DCHS2: variants seen among roughly 807,000 people sequenced by gnomAD.
DCHS2 encodes the protein dachsous cadherin-related 2, also known as protocadherin-23.
A neutral mutation model predicts 182.4 loss-of-function variants in DCHS2; 142 were observed. The ratio of observed to expected loss-of-function variants is 0.78; its 90% CI spans 0.68 to 0.89. The LOEUF (loss-of-function observed/expected upper bound fraction) is 0.89. Among genes scored for constraint, DCHS2 ranks in the 40% least tolerant of loss-of-function variants. The pLI is 0.00. For synonymous variants in DCHS2, 1,740 were observed against 1,663.3 expected, an observed-to-expected ratio of 1.05 and a Z score of -1.12; for missense variants, 4,319 against 4,198.6, an observed-to-expected ratio of 1.03 and a Z score of -0.79.
At position 154,235,423 on chromosome 4, in the gene DCHS2, T is replaced by C; in HGVS notation, c.9229A>G (p.Ile3077Val). The change falls in exon 20 of 20, where the codon ATC becomes GTC. Residue 3077 changes from isoleucine to valine, a missense_variant. Ile to Val is a conservative substitution (Grantham distance 29). Coordinates refer to ENST00000357232, the MANE Select transcript of DCHS2 (RefSeq NM_001358235.2). Reference sequence around the variant, plus strand: ...AGATTGACAATATCCTTCTCCATGATACTTATTAAACTCAACCATTCCGGA... The same window carrying C: ...AGATTGACAATATCCTTCTCCATGACACTTATTAAACTCAACCATTCCGGA... ...ATPEWLSLIS[I>V]MEKDIVNLYR... 10 of 1,614,064 alleles carry C rather than the reference T, an allele frequency of 6.2e-6. No homozygotes were observed. Among genetic ancestry groups the C allele is most frequent in the Non-Finnish European group, 8.5e-6 (10 of 1,179,966 alleles).
intron 12 of DCHS2, among the ~76,000 whole-genome samples, chr4:154,300,428 C>G (rs1735149291): frequency 1.4e-5 from 2 of 145,108 alleles, no homozygotes; most frequent in South Asian, 2.2e-4. Context: ...AATCCCAGAA[C>G]TTTTGGAGAC....
intron 1 of DCHS2, among the ~76,000 whole-genome samples, chr4:154,414,096 T>C (rs1732734483): frequency 1.3e-5 from 2 of 151,970 alleles, no homozygotes; most frequent in South Asian, 4.2e-4. Flanking sequence ...TATTCACCAC[T>C]ATCTCCTCAG....
intron 12 of DCHS2, among the ~76,000 whole-genome samples, chr4:154,302,934 TA>T (rs2111294518): frequency 2.0e-5 from 1 of 49,732 alleles, no homozygotes; most frequent in Non-Finnish European, 4.2e-5. Flanking sequence ...TAGATATACG[TA>T]TACACACACA....
chr4:154,385,325 G>A (rs1731356296), intron 1 of DCHS2, among the ~76,000 whole-genome samples: 1 of 152,018 alleles, frequency 6.6e-6, no homozygotes, highest in Non-Finnish European at 1.5e-5. Flanking sequence ...GTCTATCATT[G>A]TTGAACATTT....
At chr4:154,424,728 A>G (rs569151049) in intron 1 of DCHS2, among the ~76,000 whole-genome samples, 23 of 152,350 alleles carry the variant, frequency 1.5e-4, no homozygotes, top group Non-Finnish European at 2.8e-4. Flanking sequence ...CTAAGTGTTC[A>G]AGTAAGCCTT....
chr4:154,451,616 C>T (rs1032100562), intron 1 of DCHS2, among the ~76,000 whole-genome samples: 1 of 152,144 alleles, frequency 6.6e-6, no homozygotes, highest in Non-Finnish European at 1.5e-5. Flanking sequence ...ACATGACATG[C>T]AGGCACCATC....
intron 2 of DCHS2, among the ~76,000 whole-genome samples, chr4:154,366,687 A>G (rs1730385306): frequency 6.6e-6 from 1 of 151,944 alleles, no homozygotes; most frequent in Non-Finnish European, 1.5e-5. Flanking sequence ...CTTTATATTC[A>G]TTTTATTTTC....
In DCHS2 at chr4:154,304,680, T is replaced by C; in HGVS notation, c.5594A>G (p.Tyr1865Cys). ...MDAGNNRAVEYHIIDGNTDEC... is the reference protein window; with the variant it reads ...MDAGNNRAVECHIIDGNTDEC... ...ACAAACAAACTTACCAATTATGTGA[T>C]ATTCAACAGCTCTGTTATTGCCAGC... The change falls in exon 12 of 20, where the codon TAT becomes TGT. Residue 1865 changes from tyrosine to cysteine, a missense_variant. Physicochemically the swap from Tyr to Cys is radical, Grantham distance 194 (BLOSUM62 -2). Transcript: ENST00000357232. The C allele has an allele frequency of 6.2e-7, 1 of 1,608,836 alleles. No homozygotes were observed.
rs375679010 is a variant in DCHS2, at chr4:154,235,411, C to T, written c.9241G>A (p.Asp3081Asn). The stretch of plus-strand genomic sequence containing the variant: ...GAGTGTCTGTACAGATTGACAATAT[C>T]CTTCTCCATGATACTTATTAAACTC... ...WLSLISIMEK[D>N]IVNLYRHSNS... is the part of the protein sequence containing the mutation. Residue 3081 changes from aspartate to asparagine, a missense_variant, in exon 20 of 20, where the codon GAT (aspartate) becomes AAT (asparagine). Asp to Asn is a conservative substitution (Grantham distance 23, BLOSUM62 1). Coordinates refer to ENST00000357232, the MANE Select transcript of DCHS2 (RefSeq NM_001358235.2). The T allele has an allele frequency of 1.2e-6, 2 of 1,613,946 alleles. No individual in the cohort carries two copies. The highest frequency in any genetic ancestry group is 1.7e-6 in the Non-Finnish European group (2 of 1,179,984).
chr4:154,463,692 T>TTTTCTC (rs1011716388), intron 1 of DCHS2, among the ~76,000 whole-genome samples: 1 of 145,266 alleles, frequency 6.9e-6, no homozygotes, highest in African/African-American at 2.5e-5. Context: ...ATTCTCTCTT[T>TTTTCTC]TCTCTCTCTC....
intron 1 of DCHS2, among the ~76,000 whole-genome samples, chr4:154,377,964 A>G (rs532030278): frequency 3.5e-4 from 53 of 152,226 alleles, no homozygotes; most frequent in African/African-American, 1.3e-3. Flanking sequence ...CAGAATTCAC[A>G]CTGGAATGTG....
intron 7 of DCHS2, chr4:154,323,332 G>GA (rs1561041712): frequency 2.0e-6 from 3 of 1,507,266 alleles, no homozygotes; most frequent in Admixed American, 2.2e-5. Flanking sequence ...AGGTCTAGCT[G>GA]CCAAAAAAAA....
At chr4:154,413,333 G>A (rs1345919253) in intron 1 of DCHS2, among the ~76,000 whole-genome samples, 1 of 152,092 alleles carries the variant, frequency 6.6e-6, no homozygotes, top group Non-Finnish European at 1.5e-5. Flanking sequence ...AAGAGTTATG[G>A]TGTAGATGAA....
At chr4:154,250,338 G>A (rs1732291552) in intron 16 of DCHS2, among the ~76,000 whole-genome samples, 1 of 152,008 alleles carries the variant, frequency 6.6e-6, no homozygotes, top group Non-Finnish European at 1.5e-5. Context: ...ATCCTGAGGT[G>A]GTGATAAGTC....
chr4:154,342,868 A>G (rs1246893923), intron 3 of DCHS2, among the ~76,000 whole-genome samples: 1 of 152,176 alleles, frequency 6.6e-6, no homozygotes, highest in East Asian at 1.9e-4. Context: ...AAAGTTTTCA[A>G]TGTATTTTAC....
At position 154,240,554 on chromosome 4, in the gene DCHS2, A is replaced by G. The variant is rs1731765215; in HGVS notation, c.7342T>C (p.Ser2448Pro). 1 of 1,613,550 alleles carries G rather than the reference A, an allele frequency of 6.2e-7. No individual in the cohort carries two copies. The highest frequency in any genetic ancestry group is 8.5e-7 in the Non-Finnish European group (1 of 1,179,692). The change falls in exon 18 of 20, where the codon TCT (serine) becomes CCT (proline). Residue 2448 changes from serine to proline, a missense_variant. Transcript: ENST00000357232. ...LDVNDNPPVF[S>P]QDFYQVTVPE... ...CCCTTTACCTGATAGAAATCTTGAG[A>G]AAACACTGGTGGATTATCATTGACA...
chr4:154,423,407 A>G (rs971884559), intron 1 of DCHS2, among the ~76,000 whole-genome samples: 7 of 152,146 alleles, frequency 4.6e-5, no homozygotes, highest in Admixed American at 4.6e-4. Flanking sequence ...TGACCCCCAA[A>G]TTATTTTTCA....
At chr4:154,293,118 G>C (rs565398976) in intron 13 of DCHS2, among the ~76,000 whole-genome samples, 1 of 152,170 alleles carries the variant, frequency 6.6e-6, no homozygotes, top group Non-Finnish European at 1.5e-5. Context: ...TCGCATGGGA[G>C]CTTCTACAAA....
intron 3 of DCHS2, among the ~76,000 whole-genome samples, chr4:154,360,375 T>C (rs1436276131): frequency 6.6e-6 from 1 of 152,100 alleles, no homozygotes; most frequent in Non-Finnish European, 1.5e-5. Flanking sequence ...GTTCTTTCCA[T>C]CTTTATAAGT....
Sources: allele counts gnomAD v4.1 joint callset (sites outside exome capture counted in the v4.1 genomes callset), GRCh38; gene constraint gnomAD v4.1.1; transcripts MANE v1.5; gene names NCBI Gene and HGNC (gene_info 2026-07-23, HGNC 2026-07-21).